TRIM11: variants seen among roughly 807,000 people sequenced by gnomAD.
The protein encoded by TRIM11 is E3 ubiquitin-protein ligase TRIM11.
TRIM11 carries 15 observed loss-of-function variants against 33.4 expected under a neutral mutation model. The observed-to-expected ratio is 0.45, with a 90% CI of 0.30 to 0.69. The LOEUF is 0.69. Ranked by LOEUF, TRIM11 falls within the 30% of genes least tolerant of loss-of-function variation. The probability of loss-of-function intolerance (pLI) is 0.08; values close to 1 mark genes in which losing one functional copy is unlikely to be tolerated. For missense variants in TRIM11, 499 were observed against 667.6 expected, an observed-to-expected ratio of 0.75 and a Z score of 2.78; for synonymous variants, 281 against 302.6, an observed-to-expected ratio of 0.93 and a Z score of 0.74.
chr1:228,398,164 G>A (rs780877431), intron 3 of TRIM11, among the ~76,000 whole-genome samples: 5 of 152,168 alleles, frequency 3.3e-5, no homozygotes, highest in Non-Finnish European at 7.4e-5. Context: ...TCAAATAGAC[G>A]ATCCCACACC....
Position 228,394,617 on chromosome 1 carries a change from C to T in TRIM11, c.*88G>A. On this transcript the variant is annotated 3_prime_UTR_variant, in exon 6 of 6. Coordinates refer to ENST00000284551, the MANE Select transcript of TRIM11 (RefSeq NM_145214.3). The surrounding 1 kb of genome is among the most constrained non-coding windows in gnomAD (Gnocchi z 6.2). ...CCTCCTCTTGCTCAAAGGACACACT[C>T]CCTCCTCCCAGGTCCTCCAAGTGGC... 7.2e-7 allele frequency: 1 copy of T among 1,395,372 alleles called. No individual in the cohort carries two copies. Among genetic ancestry groups the T allele is most frequent in the Admixed American group, 2.6e-5 (1 of 38,650 alleles). The allele number at this position is 1,395,372 out of a possible 1,614,324, so 86.4% of individuals were successfully genotyped here.
rs1237385216 is a variant in TRIM11, at chr1:228,395,142, G to A, written c.970C>T (p.Arg324Cys). The A allele has an allele frequency of 2.6e-6, 4 of 1,551,736 alleles. No individual in the cohort carries two copies. The highest frequency in any genetic ancestry group is 1.4e-5 in the African/African-American group (1 of 73,580). Residue 324 changes from arginine (R) to cysteine (C), a missense_variant, in exon 6 of 6, where the codon CGC becomes TGC. Transcript: ENST00000284551. This position sits in a 1 kb window ranked among gnomAD's most constrained non-coding sequence, Gnocchi z 4.8. ...AGCACGCAGGGGCCGGGGTCAAAGC[G>A]CTCTGGGCTGTCCGGCAGGGCCTGC... ...LRQALPDSPE[R>C]FDPGPCVLGQ...
rs1042309435 is a variant in TRIM11, at chr1:228,406,224, G to A, written c.338C>T (p.Ala113Val). The change falls in exon 1 of 6, where the codon GCC becomes GTC. Residue 113 changes from alanine to valine, a missense_variant. Physicochemically the swap from Ala to Val is moderately conservative, Grantham distance 64 (BLOSUM62 0). Transcript: ENST00000284551. This position sits in a 1 kb window ranked among gnomAD's most constrained non-coding sequence, Gnocchi z 8.2. ...CGDELRLLCA[A>V]CERSGEHWAH... The stretch of plus-strand genomic sequence containing the variant: ...CCAGTGCTCCCCAGAGCGCTCGCAG[G>A]CCGCACACAGGAGGCGCAGCTCGTC... The A allele has an allele frequency of 6.4e-5, 96 of 1,488,580 alleles. No homozygotes were observed. The East Asian group carries it at 2.6e-3, about 40-fold the overall frequency. 92.2% of individuals were successfully genotyped at this position (1,488,580 alleles called of 1,614,324 possible). A position where few individuals can be genotyped will look rare whatever the true frequency, so the allele number is the denominator to read the frequency against.
In TRIM11 at chr1:228,403,229, G is replaced by T. The variant is rs569015014; in HGVS notation, c.409-1068C>A. ...GACACCCTTATCAGCAACGGGCCCT[G>T]TGCTGGCCACACCTCTTTGCTTCTC... On this transcript the variant is annotated intron_variant, in intron 1 of 5. Transcript: ENST00000284551. This position sits in a 1 kb window ranked among gnomAD's most constrained non-coding sequence, Gnocchi z 4.8. 1.5e-4 allele frequency: 23 copies of T among 152,466 alleles called. No individual in the cohort carries two copies. The highest frequency in any genetic ancestry group is 5.3e-4 in the African/African-American group (22 of 41,560). 9.4% of individuals were successfully genotyped at this position (152,466 alleles called of 1,614,324 possible). A position where few individuals can be genotyped will look rare whatever the true frequency, so the allele number is the denominator to read the frequency against.
intron 3 of TRIM11, among the ~76,000 whole-genome samples, chr1:228,398,356 A>T (rs2075004151): frequency 2.0e-5 from 3 of 152,274 alleles, no homozygotes; most frequent in East Asian, 1.9e-4. Flanking sequence ...AAAATTTTTT[A>T]AAAAGGAGGC....
At position 228,394,873 on chromosome 1, in the gene TRIM11, T is replaced by A. The variant is rs1330270867; in HGVS notation, c.1239A>T (p.Gly413=). 1 of 1,614,026 alleles carries A rather than the reference T, an allele frequency of 6.2e-7. No individual in the cohort carries two copies. The highest frequency in any genetic ancestry group is 1.1e-5 in the South Asian group (1 of 91,072). Residue 413 remains glycine (G), a synonymous_variant, in exon 6 of 6, where the codon GGA becomes GGT. Coordinates refer to ENST00000284551, the MANE Select transcript of TRIM11 (RefSeq NM_145214.3). The surrounding 1 kb of genome is among the most constrained non-coding windows in gnomAD (Gnocchi z 6.2). The part of the protein sequence containing the change: ...RVGIFLDYEA[G]HLSFYSATDG... ...CGGTGGCACTGTAGAAAGAGAGATG[T>A]CCAGCCTCGTAGTCCAGAAAGATCC...
At position 228,401,086 on chromosome 1, in the gene TRIM11, G is replaced by A. The variant is rs1483067139; in HGVS notation, c.613C>T (p.Leu205=). Residue 205 remains leucine, a synonymous_variant, in exon 3 of 6, where the codon CTG becomes TTG. Coordinates refer to ENST00000284551, the MANE Select transcript of TRIM11 (RefSeq NM_145214.3). This position sits in a 1 kb window ranked among gnomAD's most constrained non-coding sequence, Gnocchi z 6.1. ...QLLQRLEEEE[L]EVLPRLREGA... Reference sequence around the variant, plus strand: ...TCCCGCAGCCGGGGCAGCACCTCCAGCTCCTCCTCCTCCAGCCTCTGCAGC... The same window carrying A: ...TCCCGCAGCCGGGGCAGCACCTCCAACTCCTCCTCCTCCAGCCTCTGCAGC... 1.2e-6 allele frequency: 2 copies of A among 1,613,352 alleles called. No homozygotes were observed. Among genetic ancestry groups the A allele is most frequent in the Non-Finnish European group, 1.7e-6 (2 of 1,179,866 alleles).
rs1192822383 is a variant in TRIM11 at position 228,397,885 on chromosome 1, G to GGAGA, written c.736-724_736-721dup. On this transcript the variant is annotated intron_variant, in intron 3 of 5. Transcript: ENST00000284551. ...ACTAGGACACAGACACCCACAGAGG[G>GGAGA]GAGACCCTGTGAGGATACAGGGAAG... 2.6e-5 allele frequency among the ~76,000 whole-genome samples: 4 copies of GGAGA among 152,312 alleles called. No homozygotes were observed. The East Asian group carries it at 7.7e-4, about 29-fold the overall frequency.
At position 228,395,163 on chromosome 1, in the gene TRIM11, C is replaced by G; in HGVS notation, c.949G>C (p.Ala317Pro). Residue 317 changes from alanine (A) to proline (P), a missense_variant, in exon 6 of 6, where the codon GCC becomes CCC. Physicochemically the swap from Ala to Pro is conservative, Grantham distance 27. Transcript: ENST00000284551. The surrounding 1 kb of genome is among the most constrained non-coding windows in gnomAD (Gnocchi z 4.8). ...RSVQRGDLRQ[A>P]LPDSPERFDP... ...AAGCGCTCTGGGCTGTCCGGCAGGGCCTGCCGTAGGTCCCCCCGCTGCACG... is the reference window on the plus strand; with the variant it reads ...AAGCGCTCTGGGCTGTCCGGCAGGGGCTGCCGTAGGTCCCCCCGCTGCACG... The G allele has an allele frequency of 6.5e-7, 1 of 1,527,904 alleles. No individual in the cohort carries two copies. The highest frequency in any genetic ancestry group is 8.7e-7 in the Non-Finnish European group (1 of 1,143,708). 94.6% of individuals were successfully genotyped at this position (1,527,904 alleles called of 1,614,324 possible). A position where few individuals can be genotyped will look rare whatever the true frequency, so the allele number is the denominator to read the frequency against.
rs529595678 is a variant in TRIM11, at chr1:228,401,455, C to A, written c.505-261G>T. Among the ~76,000 whole-genome samples, 40 of 152,224 alleles carry A rather than the reference C, an allele frequency of 2.6e-4. No individual in the cohort carries two copies. The highest frequency in any genetic ancestry group is 8.9e-4 in the African/African-American group (37 of 41,510). Reference sequence around the variant, plus strand: ...GAGAGCCAAATCCCATTCTACCACACAGGACTGGCTAGACCCCAAATCTAA... The same window carrying A: ...GAGAGCCAAATCCCATTCTACCACAAAGGACTGGCTAGACCCCAAATCTAA... On this transcript the variant is annotated intron_variant, in intron 2 of 5. Transcript: ENST00000284551. The surrounding 1 kb of genome is among the most constrained non-coding windows in gnomAD (Gnocchi z 6.1).
In TRIM11 at chr1:228,395,371, G is replaced by A. The variant is rs1425355704; in HGVS notation, c.860-119C>T. 9.7e-6 allele frequency: 11 copies of A among 1,129,256 alleles called. No individual in the cohort carries two copies. Among genetic ancestry groups the A allele is most frequent in the Non-Finnish European group, 1.3e-5 (11 of 864,228 alleles). The allele number at this position is 1,129,256 out of a possible 1,614,324, so 70.0% of individuals were successfully genotyped here. A position where few individuals can be genotyped will look rare whatever the true frequency, so the allele number is the denominator to read the frequency against. On this transcript the variant is annotated intron_variant, in intron 5 of 5. Coordinates refer to ENST00000284551, the MANE Select transcript of TRIM11 (RefSeq NM_145214.3). This position sits in a 1 kb window ranked among gnomAD's most constrained non-coding sequence, Gnocchi z 4.8. ...TCGGACGGCCTGGCTCTCTGCCCTG[G>A]GCCTGTAGCCTCACAACCTCCTGGA...
chr1:228,405,560 G>A (rs1263391051), intron 1 of TRIM11: 1 of 152,332 alleles, frequency 6.6e-6, no homozygotes, highest in Non-Finnish European at 1.5e-5. Context: ...GGGGAGAAAA[G>A]GCAGGCTGAG....
rs1402330447 is a variant in TRIM11, at chr1:228,406,770, G to A, written c.-209C>T. 1.5e-5 allele frequency: 6 copies of A among 391,924 alleles called. No individual in the cohort carries two copies. Among genetic ancestry groups the A allele is most frequent in the Non-Finnish European group, 2.6e-5 (6 of 228,204 alleles). 24.3% of individuals were successfully genotyped at this position (391,924 alleles called of 1,614,324 possible). A position where few individuals can be genotyped will look rare whatever the true frequency, so the allele number is the denominator to read the frequency against. ...GGTTTCGGTAGCGCTGGGCGCGTAG[G>A]CTCCGAGCGCTCGGGGGACGCGGGA... On this transcript the variant is annotated 5_prime_UTR_variant, in exon 1 of 6. Coordinates refer to ENST00000284551, the MANE Select transcript of TRIM11 (RefSeq NM_145214.3). The surrounding 1 kb of genome is among the most constrained non-coding windows in gnomAD (Gnocchi z 8.2).
In TRIM11 at chr1:228,393,946, G is replaced by A. The variant is rs918641917; in HGVS notation, c.*759C>T. On this transcript the variant is annotated 3_prime_UTR_variant, in exon 6 of 6. Coordinates refer to ENST00000284551, the MANE Select transcript of TRIM11 (RefSeq NM_145214.3). ...TGAGGGGCCACTGGAGACCTAGGAA[G>A]CCTTTGCAAGGGCAAAACCCAATGG... The A allele has an allele frequency of 1.3e-5, 2 of 152,280 alleles. No homozygotes were observed. Among genetic ancestry groups the A allele is most frequent in the African/African-American group, 4.8e-5 (2 of 41,462 alleles). 9.4% of individuals were successfully genotyped at this position (152,280 alleles called of 1,614,324 possible).
In TRIM11 at chr1:228,402,131, G is replaced by C. The variant is rs780572478; in HGVS notation, c.439C>G (p.Arg147Gly). 3.1e-6 allele frequency: 5 copies of C among 1,613,130 alleles called. No individual in the cohort carries two copies. Among genetic ancestry groups the C allele is most frequent in the Non-Finnish European group, 4.2e-6 (5 of 1,179,528 alleles). Residue 147 changes from arginine to glycine, a missense_variant, in exon 2 of 6, where the codon CGG becomes GGG. Transcript: ENST00000284551. ...AGCAACGCATCCTGCATCTGCTTCCGGAGATGCTCCAGTGACTTCTCCAGC... is the reference window on the plus strand; with the variant it reads ...AGCAACGCATCCTGCATCTGCTTCCCGAGATGCTCCAGTGACTTCTCCAGC... ...AKLEKSLEHL[R>G]KQMQDALLFQ...
At position 228,406,079 on chromosome 1, in the gene TRIM11, A is replaced by AAAC; in HGVS notation, c.408+74_408+75insGTT. ...AGATTACTCCCGGAGCAGTCCCCCA[A>AAAC]ACCTCCCACCCGCCCAGGCCTCCCC... On this transcript the variant is annotated intron_variant, in intron 1 of 5. Coordinates refer to ENST00000284551, the MANE Select transcript of TRIM11 (RefSeq NM_145214.3). This position sits in a 1 kb window ranked among gnomAD's most constrained non-coding sequence, Gnocchi z 8.2. The AAAC allele has an allele frequency of 1.6e-6, 2 of 1,289,660 alleles. No individual in the cohort carries two copies. The highest frequency in any genetic ancestry group is 1.6e-5 in the African/African-American group (1 of 63,410). 79.9% of individuals were successfully genotyped at this position (1,289,660 alleles called of 1,614,324 possible). A position where few individuals can be genotyped will look rare whatever the true frequency, so the allele number is the denominator to read the frequency against.
At position 228,406,702 on chromosome 1, in the gene TRIM11, G is replaced by T; in HGVS notation, c.-141C>A. 1 of 808,930 alleles carries T rather than the reference G, an allele frequency of 1.2e-6. No homozygotes were observed. The highest frequency in any genetic ancestry group is 1.7e-6 in the Non-Finnish European group (1 of 595,932). The allele number at this position is 808,930 out of a possible 1,614,324, so 50.1% of individuals were successfully genotyped here. On this transcript the variant is annotated 5_prime_UTR_variant, in exon 1 of 6. Transcript: ENST00000284551. The surrounding 1 kb of genome is among the most constrained non-coding windows in gnomAD (Gnocchi z 8.2). ...GGCGCGAGGCTCGGGACTCCCGGGT[G>T]CTCGGGCTCCGGGGCGCGGGGACTC...
In TRIM11 at chr1:228,400,407, G is replaced by T. The variant is rs1018963863; in HGVS notation, c.735+557C>A. 6.6e-6 allele frequency among the ~76,000 whole-genome samples: 1 copy of T among 152,190 alleles called. No homozygotes were observed. Among genetic ancestry groups the T allele is most frequent in the East Asian group, 1.9e-4 (1 of 5,192 alleles). ...CAGGGCGTCCACTGGTTCTGGTTTG[G>T]GGGTGCACCAAGGAAAGCCCAGGCC... On this transcript the variant is annotated intron_variant, in intron 3 of 5. Transcript: ENST00000284551. The surrounding 1 kb of genome is among the most constrained non-coding windows in gnomAD (Gnocchi z 4.5).
At position 228,397,160 on chromosome 1, in the gene TRIM11, G is replaced by C. The variant is rs140696443; in HGVS notation, c.741C>G (p.Ile247Met). The change falls in exon 4 of 6, where the codon ATC (isoleucine) becomes ATG (methionine). Residue 247 changes from isoleucine (I) to methionine (M), a missense_variant. Transcript: ENST00000284551. ...GTTCGTACCTGCGCAGGGCGTCCTTGATGTCCTATGTGGGGAGGAGAAACA... is the reference window on the plus strand; with the variant it reads ...GTTCGTACCTGCGCAGGGCGTCCTTCATGTCCTATGTGGGGAGGAGAAACA... ...QLPALGLLQD[I>M]KDALRRVQDV... is the part of the protein sequence containing the mutation. 1 of 1,613,214 alleles carries C rather than the reference G, an allele frequency of 6.2e-7. No individual in the cohort carries two copies. The highest frequency in any genetic ancestry group is 8.5e-7 in the Non-Finnish European group (1 of 1,179,584).
Sources: allele counts gnomAD v4.1 joint callset (sites outside exome capture counted in the v4.1 genomes callset), GRCh38; gene constraint gnomAD v4.1.1; non-coding constraint Gnocchi (gnomAD v3.1); transcripts MANE v1.5; gene names NCBI Gene and HGNC (gene_info 2026-07-23, HGNC 2026-07-21).